The following CCDC157 variants were observed in gnomAD, a reference collection of about 807,000 sequenced individuals.
CCDC157 encodes the protein coiled-coil domain containing 157.
In CCDC157, 60 loss-of-function variants were observed where a neutral mutation model predicts 70.9. That is an observed-to-expected ratio of 0.85 (90% confidence interval 0.69 to 1.05). The LOEUF is 1.05. Ranked by LOEUF, CCDC157 falls within the 50% of genes least tolerant of loss-of-function variation. CCDC157 has a pLI of 0.00. For missense variants in CCDC157, 943 were observed against 984.2 expected, an observed-to-expected ratio of 0.96 and a Z score of 0.56; for synonymous variants, 373 against 422.4, an observed-to-expected ratio of 0.88 and a Z score of 1.43.
At chr22:30,364,664 G>A (rs1932597580) in intron 2 of CCDC157, among the ~76,000 whole-genome samples, 2 of 152,052 alleles carry the variant, frequency 1.3e-5, no homozygotes, top group Admixed American at 6.6e-5. Flanking sequence ...TTAGCCAGGC[G>A]TGGTGGCGGG....
intron 3 of CCDC157, among the ~76,000 whole-genome samples, chr22:30,368,268 G>A (rs1260332102): frequency 6.6e-6 from 1 of 152,156 alleles, no homozygotes; most frequent in South Asian, 2.1e-4. Context: ...TCCTTTCTCC[G>A]TAACTTTATG....
intron 2 of CCDC157, among the ~76,000 whole-genome samples, chr22:30,363,750 G>A (rs1408007501): frequency 2.1e-5 from 3 of 144,108 alleles, no homozygotes; most frequent in African/African-American, 5.2e-5. Flanking sequence ...GTGCAATGGC[G>A]CGATCTCGGC....
At chr22:30,365,457 A>T (rs1281008020) in intron 2 of CCDC157, among the ~76,000 whole-genome samples, 1 of 152,146 alleles carries the variant, frequency 6.6e-6, no homozygotes, top group Non-Finnish European at 1.5e-5. Context: ...CACTGTGGCC[A>T]GCATGACATG....
rs1933388106 is a variant in CCDC157 at position 30,376,635 on chromosome 22, G to T, written c.2149G>T (p.Asp717Tyr). Residue 717 changes from aspartate to tyrosine, a missense_variant, in exon 12 of 12, where the codon GAC becomes TAC. By Grantham distance (160) the Asp-to-Tyr change is radical. Transcript: ENST00000338306. ...KSLLEGVTHL[D>Y]TCTQNPIKVL... ...CTTGCTGGAGGGTGTGACCCACTTGGACACCTGCACCCAGAACCCCATCAA... is the reference window on the plus strand; with the variant it reads ...CTTGCTGGAGGGTGTGACCCACTTGTACACCTGCACCCAGAACCCCATCAA... The T allele has an allele frequency of 6.2e-7, 1 of 1,613,686 alleles. No homozygotes were observed. The highest frequency in any genetic ancestry group is 1.1e-5 in the South Asian group (1 of 91,072).
At chr22:30,366,364 T>C (rs532771620) in intron 3 of CCDC157, 116 bp downstream of exon 3, 148 of 1,307,284 alleles carry the variant, frequency 1.1e-4, no homozygotes, top group Admixed American at 3.4e-4. Context: ...ACAGTCACCA[T>C]TGAGTACCTG....
rs912234053 is a variant in CCDC157, at chr22:30,358,541, C to T, written c.-166+1409C>T. Among the ~76,000 whole-genome samples, 6 of 152,206 alleles carry T rather than the reference C, an allele frequency of 3.9e-5. No homozygotes were observed. In the East Asian group the frequency reaches 1.2e-3, roughly 29 times the overall value. Reference sequence around the variant, plus strand: ...CCACATAGCTGGTTTTAGAGTTTCCCGTGTTTTCATGGTGGTGGCTTTGAA... The same window carrying T: ...CCACATAGCTGGTTTTAGAGTTTCCTGTGTTTTCATGGTGGTGGCTTTGAA... On this transcript the variant is annotated intron_variant, in intron 1 of 11. Coordinates refer to ENST00000338306, the MANE Select transcript of CCDC157 (RefSeq NM_001017437.5).
chr22:30,364,930 GC>G (rs758014706), intron 2 of CCDC157, among the ~76,000 whole-genome samples: 6 of 152,116 alleles, frequency 3.9e-5, no homozygotes, highest in Admixed American at 2.0e-4. Flanking sequence ...GAAGTCAAGT[GC>G]ATTTTAAATT....
chr22:30,357,990 T>TC (rs1383568756), intron 1 of CCDC157, among the ~76,000 whole-genome samples: 4 of 152,122 alleles, frequency 2.6e-5, no homozygotes, highest in African/African-American at 9.7e-5. Flanking sequence ...CCCCTCACTC[T>TC]CACAGATGCA....
At chr22:30,356,872 G>A (rs1271989361), upstream of CCDC157, 4 of 1,175,818 alleles carry the variant, frequency 3.4e-6, no homozygotes, top group East Asian at 3.2e-5. Context: ...CGCTCGGTCA[G>A]TACGACGAGC....
chr22:30,357,331 C>G (rs571035808), intron 1 of CCDC157, among the ~76,000 whole-genome samples, 199 bp downstream of exon 1: 3 of 152,268 alleles, frequency 2.0e-5, no homozygotes, highest in African/African-American at 2.4e-5. Flanking sequence ...CTTAGTCCCC[C>G]CTTTCATTTC....
chr22:30,375,514 T>C lies in CCDC157; in HGVS notation c.1708T>C (p.Cys570Arg), dbSNP rs983665895. 9 of 1,614,174 alleles carry C rather than the reference T, an allele frequency of 5.6e-6. No homozygotes were observed. The highest frequency in any genetic ancestry group is 7.6e-6 in the Non-Finnish European group (9 of 1,180,028). ...CAGCAGCGTGGAATCCCAGATAACA[T>C]GTCCCACAGACTCTGGCAACGTCAC... is the stretch of plus-strand genomic sequence containing the variant. The part of the protein sequence containing the change: ...RSSSVESQIT[C>R]PTDSGNVTDH... Residue 570 changes from cysteine to arginine, a missense_variant, in exon 10 of 12, where the codon TGT (cysteine) becomes CGT (arginine). Coordinates refer to ENST00000338306, the MANE Select transcript of CCDC157 (RefSeq NM_001017437.5).
At position 30,376,844 on chromosome 22, in the gene CCDC157, T is replaced by G. The variant is rs1276495720; in HGVS notation, c.*99T>G. 8.2e-7 allele frequency: 1 copy of G among 1,222,364 alleles called. No homozygotes were observed. The highest frequency in any genetic ancestry group is 1.5e-5 in the African/African-American group (1 of 66,402). The allele number at this position is 1,222,364 out of a possible 1,614,324, so 75.7% of individuals were successfully genotyped here. ...GCCCACAGCAATCTTTGCCTCACAGTATGACTGAGCCAAGGAAAGAACCCT... is the reference window on the plus strand; with the variant it reads ...GCCCACAGCAATCTTTGCCTCACAGGATGACTGAGCCAAGGAAAGAACCCT... On this transcript the variant is annotated 3_prime_UTR_variant, in exon 12 of 12. Transcript: ENST00000338306.
At chr22:30,357,600 G>A (rs935652666) in intron 1 of CCDC157, among the ~76,000 whole-genome samples, 1 of 151,782 alleles carries the variant, frequency 6.6e-6, no homozygotes, top group Admixed American at 6.6e-5. Context: ...CGCCTCCCGA[G>A]TTCAAGCGAT....
intron 3 of CCDC157, among the ~76,000 whole-genome samples, chr22:30,367,757 T>C (rs1370552616): frequency 1.3e-5 from 2 of 151,854 alleles, no homozygotes; most frequent in Admixed American, 1.3e-4. Context: ...CTCAAATGCC[T>C]TAAAAATGGT....
rs1933410508 is a variant in CCDC157, at chr22:30,377,013, C to A, written c.*268C>A. 1.8e-6 allele frequency: 1 copy of A among 542,252 alleles called. No homozygotes were observed. The highest frequency in any genetic ancestry group is 3.0e-5 in the East Asian group (1 of 32,800). The allele number at this position is 542,252 out of a possible 1,614,324, so 33.6% of individuals were successfully genotyped here. A position where few individuals can be genotyped will look rare whatever the true frequency, so the allele number is the denominator to read the frequency against. Reference sequence around the variant, plus strand: ...AGGCTGTGGGATAGGAGAGTACACCCAGGGCAGAGGAAGCTCCTAAGACCT... The same window carrying A: ...AGGCTGTGGGATAGGAGAGTACACCAAGGGCAGAGGAAGCTCCTAAGACCT... On this transcript the variant is annotated 3_prime_UTR_variant, in exon 12 of 12. Coordinates refer to ENST00000338306, the MANE Select transcript of CCDC157 (RefSeq NM_001017437.5).
Position 30,378,073 on chromosome 22 carries a change from T to C in CCDC157, c.*1328T>C, listed in dbSNP as rs1569197317. 1 of 470,704 alleles carries C rather than the reference T, an allele frequency of 2.1e-6. No individual in the cohort carries two copies. Among genetic ancestry groups the C allele is most frequent in the Non-Finnish European group, 4.4e-6 (1 of 226,824 alleles). 29.2% of individuals were successfully genotyped at this position (470,704 alleles called of 1,614,324 possible). ...CTGAGGTCCCCATGTCCTCGCTGGCTGGCTGTAAGCCAGGTCCTCTCACGG... is the reference window on the plus strand; with the variant it reads ...CTGAGGTCCCCATGTCCTCGCTGGCCGGCTGTAAGCCAGGTCCTCTCACGG... On this transcript the variant is annotated 3_prime_UTR_variant, in exon 12 of 12. Coordinates refer to ENST00000338306, the MANE Select transcript of CCDC157 (RefSeq NM_001017437.5).
intron 5 of CCDC157, chr22:30,371,317 A>G: frequency 2.0e-6 from 1 of 494,064 alleles, no homozygotes; most frequent in Non-Finnish European, 3.6e-6. Context: ...TTGTGGCAAA[A>G]GCCATTAGAG....
chr22:30,358,381 A>G (rs1932091167), intron 1 of CCDC157, among the ~76,000 whole-genome samples: 1 of 152,212 alleles, frequency 6.6e-6, no homozygotes, highest in African/African-American at 2.4e-5. Flanking sequence ...TGAAGTTTGG[A>G]GTTGGTAGAG....
rs778104282 is a variant in CCDC157, at chr22:30,376,559, G to A, written c.2073G>A (p.Arg691=). 2 of 1,612,754 alleles carry A rather than the reference G, an allele frequency of 1.2e-6. No individual in the cohort carries two copies. The highest frequency in any genetic ancestry group is 2.2e-5 in the East Asian group (1 of 44,818). ...PPRQPCTSPP[R]QPCTSPSRQP... is the part of the protein sequence containing the mutation. The stretch of plus-strand genomic sequence containing the variant: ...GGCAGCCCTGCACATCCCCACCTCG[G>A]CAGCCCTGCACATCCCCATCTCGGC... The change falls in exon 12 of 12, where the codon CGG becomes CGA. Residue 691 remains arginine, a synonymous_variant. Coordinates refer to ENST00000338306, the MANE Select transcript of CCDC157 (RefSeq NM_001017437.5).
Sources: allele counts gnomAD v4.1 joint callset (sites outside exome capture counted in the v4.1 genomes callset), GRCh38; gene constraint gnomAD v4.1.1; transcripts MANE v1.5; gene names NCBI Gene and HGNC (gene_info 2026-07-23, HGNC 2026-07-21).